The following NSMCE2 variants were observed in gnomAD, a reference collection of about 807,000 sequenced individuals.
The protein encoded by NSMCE2 is NSE2 SUMO ligase component of SMC5/6 complex.
Under a neutral mutation model 23.8 loss-of-function variants are expected in NSMCE2, and 24 were observed. That is an observed-to-expected ratio of 1.01 (90% CI 0.73 to 1.42). NSMCE2 has a LOEUF of 1.42. Ranked by LOEUF, NSMCE2 falls within the 40% of genes most tolerant of loss-of-function variation. The pLI is 0.00. For missense variants in NSMCE2, 284 were observed against 296.5 expected (o/e 0.96, Z 0.31); for synonymous variants, 92 against 94.1 (o/e 0.98, Z 0.13).
chr8:125,234,122 G>A (rs1400383690), intron 5 of NSMCE2, among the ~76,000 whole-genome samples: 1 of 152,046 alleles, frequency 6.6e-6, no homozygotes, highest in African/African-American at 2.4e-5. Flanking sequence ...GAACCCAGGA[G>A]GCAGAGGTTG....
At chr8:125,215,919 C>T (rs188064279) in intron 5 of NSMCE2, among the ~76,000 whole-genome samples, 1 of 152,320 alleles carries the variant, frequency 6.6e-6, no homozygotes, top group East Asian at 1.9e-4. Flanking sequence ...CCTGTCTCTA[C>T]AAGAATTGTG....
At chr8:125,290,771 T>C (rs1016114131) in intron 5 of NSMCE2, among the ~76,000 whole-genome samples, 3 of 151,870 alleles carry the variant, frequency 2.0e-5, no homozygotes, top group Admixed American at 2.0e-4. Flanking sequence ...GGATGGGCTA[T>C]CATGAGTTAG....
chr8:125,289,225 T>C (rs766150274), intron 5 of NSMCE2, among the ~76,000 whole-genome samples: 3 of 152,188 alleles, frequency 2.0e-5, no homozygotes, highest in East Asian at 1.9e-4. Context: ...ATGAAAAGCA[T>C]TGGAAACGGG....
At chr8:125,151,318 C>T (rs757112817) in intron 4 of NSMCE2, 41 bp downstream of exon 4, 1 of 1,010,120 alleles carries the variant, frequency 9.9e-7, no homozygotes, top group East Asian at 2.4e-5. Context: ...TTGGTTACAA[C>T]TCACTGACCG....
At chr8:125,138,940 C>T (rs554350247) in intron 3 of NSMCE2, among the ~76,000 whole-genome samples, 54 of 152,208 alleles carry the variant, frequency 3.5e-4, no homozygotes, top group Admixed American at 2.8e-3. Flanking sequence ...ATTTCCTCAA[C>T]CATATGAAGC....
At chr8:125,290,930 T>G (rs1342046441) in intron 5 of NSMCE2, among the ~76,000 whole-genome samples, 3 of 152,202 alleles carry the variant, frequency 2.0e-5, no homozygotes, top group Admixed American at 6.5e-5. Flanking sequence ...GCACCATAAT[T>G]ATGTTTAATT....
At chr8:125,129,544 C>CTG (rs10578122) in intron 3 of NSMCE2, among the ~76,000 whole-genome samples, 15,433 of 145,300 alleles carry the variant, frequency 0.11, 910 homozygotes, top group African/African-American at 0.14. Context: ...AGATTTGGCT[C>CTG]TGTGTGTGTG....
In NSMCE2 at chr8:125,357,322, A is replaced by T; in HGVS notation, c.519+3A>T. On this transcript the variant is annotated splice_donor_region_variant and intron_variant, in intron 6 of 7. Transcript: ENST00000287437. ...ACTTCACCTGCCCCATTACAAAGGT[A>T]CCGCTTCCTCCTACTTCCCCTGAAA... 1 of 1,568,196 alleles carries T rather than the reference A, an allele frequency of 6.4e-7. No individual in the cohort carries two copies. Among genetic ancestry groups the T allele is most frequent in the Non-Finnish European group, 8.8e-7 (1 of 1,138,052 alleles).
intron 5 of NSMCE2, among the ~76,000 whole-genome samples, chr8:125,352,364 T>C (rs1349007400): frequency 6.6e-6 from 1 of 151,472 alleles, no homozygotes; most frequent in Non-Finnish European, 1.5e-5. Flanking sequence ...TAATCCCAGC[T>C]ACTCGGGAGG....
intron 5 of NSMCE2, among the ~76,000 whole-genome samples, chr8:125,328,706 A>G (rs1295596850): frequency 6.6e-6 from 1 of 152,138 alleles, no homozygotes; most frequent in Non-Finnish European, 1.5e-5. Flanking sequence ...GCTATCTATC[A>G]TCGGTGTTTC....
At chr8:125,295,782 C>T (rs1217786463) in intron 5 of NSMCE2, among the ~76,000 whole-genome samples, 1 of 152,176 alleles carries the variant, frequency 6.6e-6, no homozygotes. Flanking sequence ...CAGCTTTATA[C>T]ATTTATAGAG....
At chr8:125,325,562 G>A (rs1189749006) in intron 5 of NSMCE2, among the ~76,000 whole-genome samples, 1 of 152,054 alleles carries the variant, frequency 6.6e-6, no homozygotes, top group Non-Finnish European at 1.5e-5. Flanking sequence ...ATGTAGGCTG[G>A]TCTTGAACTC....
At chr8:125,166,660 T>C (rs1053995290) in intron 4 of NSMCE2, among the ~76,000 whole-genome samples, 6 of 152,162 alleles carry the variant, frequency 3.9e-5, no homozygotes, top group African/African-American at 1.4e-4. Context: ...GTTCTTTGAT[T>C]CTTAAGATCC....
chr8:125,217,679 A>C (rs1276747760), intron 5 of NSMCE2, among the ~76,000 whole-genome samples: 1 of 152,100 alleles, frequency 6.6e-6, no homozygotes, highest in Non-Finnish European at 1.5e-5. Flanking sequence ...ATCACTTTTT[A>C]AATTCAGAGC....
chr8:125,170,376 CTTTTTTTTTTTTTTTT>C (rs565593006), intron 4 of NSMCE2, among the ~76,000 whole-genome samples: 616 of 37,842 alleles, frequency 0.016, 3 homozygotes, highest in Middle Eastern at 0.045. Flanking sequence ...CTCTTTATTT[CTTTTTTTTTTTTTTTT>C]TTTTTTTTTT....
rs549786494 is a variant in NSMCE2 at position 125,178,348 on chromosome 8, G to A, written c.265-3755G>A. Among the ~76,000 whole-genome samples, 7 of 152,220 alleles carry A rather than the reference G, an allele frequency of 4.6e-5. No homozygotes were observed. The South Asian group carries it at 6.2e-4, about 14-fold the overall frequency. On this transcript the variant is annotated intron_variant, in intron 4 of 7. Coordinates refer to ENST00000287437, the MANE Select transcript of NSMCE2 (RefSeq NM_173685.4). ...CTCACTGAATACTGGATGAGTAAGC[G>A]GGTGGTACAGAAAAATCTGACCTTT...
intron 3 of NSMCE2, among the ~76,000 whole-genome samples, chr8:125,119,529 C>T (rs943973314): frequency 1.3e-5 from 2 of 152,056 alleles, no homozygotes; most frequent in Admixed American, 6.5e-5. Flanking sequence ...ATGACCATCA[C>T]AGAAAAAATG....
intron 5 of NSMCE2, among the ~76,000 whole-genome samples, chr8:125,247,522 C>T (rs931381718): frequency 6.6e-6 from 1 of 150,820 alleles, no homozygotes; most frequent in Admixed American, 6.6e-5. Context: ...GTCAGCAGTT[C>T]GAGACCAGCC....
intron 5 of NSMCE2, among the ~76,000 whole-genome samples, chr8:125,286,464 C>T (rs991193102): frequency 6.6e-6 from 1 of 151,956 alleles, no homozygotes; most frequent in Non-Finnish European, 1.5e-5. Flanking sequence ...AGGCGCCCAC[C>T]ACCATGACGG....
Sources: allele counts gnomAD v4.1 joint callset (sites outside exome capture counted in the v4.1 genomes callset), GRCh38; gene constraint gnomAD v4.1.1; transcripts MANE v1.5; gene names NCBI Gene and HGNC (gene_info 2026-07-23, HGNC 2026-07-21).